Variants in BNIP2 observed in about 807,000 individuals in gnomAD.
The protein encoded by BNIP2 is BCL2 interacting protein 2.
BNIP2 carries 36 observed loss-of-function variants against 43.4 expected under a neutral mutation model. The observed-to-expected ratio is 0.83, with a 90% CI of 0.64 to 1.10. The LOEUF is 1.10. Ranked by LOEUF, BNIP2 falls within the 50% of genes least tolerant of loss-of-function variation. BNIP2 has a pLI of 0.00. For synonymous variants in BNIP2, 146 were observed against 121.0 expected (o/e 1.21, Z -1.35); for missense variants, 417 against 374.1 (o/e 1.11, Z -0.95).
rs760469084 is a variant in BNIP2, at chr15:59,679,673, C to T, written c.214G>A (p.Asp72Asn). The T allele has an allele frequency of 6.2e-7, 1 of 1,612,872 alleles. No homozygotes were observed. Among genetic ancestry groups the T allele is most frequent in the Non-Finnish European group, 8.5e-7 (1 of 1,179,488 alleles). Residue 72 changes from aspartate (D) to asparagine (N), a missense_variant, in exon 4 of 10, where the codon GAT (aspartate) becomes AAT (asparagine). Transcript: ENST00000607373. ...LDPSDGSVLSDDLDESGEIDL... is the reference protein window; with the variant it reads ...LDPSDGSVLSNDLDESGEIDL... The stretch of plus-strand genomic sequence containing the variant: ...ATCTCCCCACTTTCATCCAAATCAT[C>T]TGACAATACAGAGCCATCACTAGGA...
intron 5 of BNIP2, chr15:59,677,221 T>C (rs1382768076): frequency 6.3e-7 from 1 of 1,595,262 alleles, no homozygotes; most frequent in African/African-American, 1.3e-5. Context: ...GTAGTACCCG[T>C]CTTCCAGAGT....
chr15:59,666,392 C>T (rs1892568455), intron 9 of BNIP2, among the ~76,000 whole-genome samples: 2 of 152,158 alleles, frequency 1.3e-5, no homozygotes, highest in South Asian at 2.1e-4. Flanking sequence ...TTAGGCTGGG[C>T]GTGGTAGCTG....
intron 5 of BNIP2, among the ~76,000 whole-genome samples, chr15:59,674,478 T>C (rs559609989): frequency 6.6e-6 from 1 of 152,358 alleles, no homozygotes; most frequent in African/African-American, 2.4e-5. Flanking sequence ...CTGAATAATG[T>C]ATGTCTGTGG....
intron 5 of BNIP2, chr15:59,676,738 G>T: frequency 1.6e-6 from 2 of 1,289,368 alleles, no homozygotes; most frequent in Middle Eastern, 1.8e-4. Flanking sequence ...TGCGGTGCGG[G>T]CGGCAGAGTT....
intron 5 of BNIP2, chr15:59,676,675 C>G: frequency 1.6e-6 from 1 of 610,420 alleles, no homozygotes; most frequent in Non-Finnish European, 2.9e-6. Context: ...ATTTAGAATT[C>G]TGATATTGCA....
Position 59,660,416 on chromosome 15 carries a change from T to A in BNIP2, c.*3653A>T, listed in dbSNP as rs1892194666. 1 of 152,122 alleles carries A rather than the reference T, an allele frequency of 6.6e-6. No individual in the cohort carries two copies. The highest frequency in any genetic ancestry group is 1.5e-5 in the Non-Finnish European group (1 of 68,024). 9.4% of individuals were successfully genotyped at this position (152,122 alleles called of 1,614,324 possible). A position where few individuals can be genotyped will look rare whatever the true frequency, so the allele number is the denominator to read the frequency against. ...GTTTAACACTTCTCCACATATAACA[T>A]GGAAAAAGGAAGGATGAACCTACCG... is the stretch of plus-strand genomic sequence containing the variant. On this transcript the variant is annotated 3_prime_UTR_variant, in exon 10 of 10. Coordinates refer to ENST00000607373, the MANE Select transcript of BNIP2 (RefSeq NM_004330.4).
At position 59,672,746 on chromosome 15, in the gene BNIP2, A is replaced by C; in HGVS notation, c.473-7T>G. The C allele has an allele frequency of 6.2e-7, 1 of 1,608,738 alleles. No individual in the cohort carries two copies. Among genetic ancestry groups the C allele is most frequent in the East Asian group, 2.2e-5 (1 of 44,812 alleles). On this transcript the variant is annotated splice_region_variant and splice_polypyrimidine_tract_variant and intron_variant, in intron 5 of 9. Coordinates refer to ENST00000607373, the MANE Select transcript of BNIP2 (RefSeq NM_004330.4). The stretch of plus-strand genomic sequence containing the variant: ...AATCCATCCCCATAATATCCTAAAA[A>C]AGAAACCAAAGACAGTATCACCAGC...
At chr15:59,672,776 T>G in intron 5 of BNIP2, 37 bp from the exon 6 acceptor site, 1 of 1,522,032 alleles carries the variant, frequency 6.6e-7, no homozygotes, top group South Asian at 1.1e-5. Context: ...ACCAGCACGA[T>G]TTTACTCTTA....
chr15:59,677,726 CA>C (rs1437523292), intron 5 of BNIP2, 184 bp downstream of exon 5: 49 of 1,130,120 alleles, frequency 4.3e-5, no homozygotes, highest in South Asian at 1.3e-4. Context: ...TGTAAAGTTA[CA>C]AAAAAAACAA....
chr15:59,679,999 C>CCTCT (rs1227209715), intron 3 of BNIP2, among the ~76,000 whole-genome samples: 3 of 152,112 alleles, frequency 2.0e-5, no homozygotes, highest in Admixed American at 6.6e-5. Context: ...CTTATAGATA[C>CCTCT]CTCTTACCAC....
At chr15:59,686,658 A>C (rs1894032346) in intron 1 of BNIP2, among the ~76,000 whole-genome samples, 3 of 152,196 alleles carry the variant, frequency 2.0e-5, no homozygotes, top group Admixed American at 6.5e-5. Flanking sequence ...AAAATCCTAG[A>C]CATGTGCTTG....
chr15:59,673,654 C>G (rs1194262214), intron 5 of BNIP2, among the ~76,000 whole-genome samples: 1 of 152,166 alleles, frequency 6.6e-6, no homozygotes, highest in African/African-American at 2.4e-5. Context: ...TGGTCGTGAA[C>G]TCCTGGCCTT....
rs568199633 is a variant in BNIP2 at position 59,668,778 on chromosome 15, G to A, written c.893+114C>T. ...TTGTTACACACACACACACACGCGC[G>A]CGCGCGCACAGTTATAAAATATAAT... On this transcript the variant is annotated intron_variant, in intron 9 of 9. Coordinates refer to ENST00000607373, the MANE Select transcript of BNIP2 (RefSeq NM_004330.4). The A allele has an allele frequency of 5.2e-4, 455 of 872,284 alleles. 5 individuals carry two copies. In the South Asian group the frequency reaches 5.5e-3, roughly 11 times the overall value. The allele number at this position is 872,284 out of a possible 1,614,324, so 54.0% of individuals were successfully genotyped here. A position where few individuals can be genotyped will look rare whatever the true frequency, so the allele number is the denominator to read the frequency against.
Position 59,689,267 on chromosome 15 carries a change from A to G in BNIP2, c.-190T>C. The G allele has an allele frequency of 2.6e-6, 4 of 1,545,074 alleles. No homozygotes were observed. Among genetic ancestry groups the G allele is most frequent in the Non-Finnish European group, 3.5e-6 (4 of 1,146,294 alleles). On this transcript the variant is annotated 5_prime_UTR_variant, in exon 1 of 10. Transcript: ENST00000607373. ...GGTCGGCGGTGGAGACCCCGGCCCA[A>G]TCCCCCGGCCGCAGCGGTACGGCGT... is the stretch of plus-strand genomic sequence containing the variant.
intron 3 of BNIP2, 87 bp from the exon 4 acceptor site, chr15:59,679,855 C>A (rs1234517797): frequency 8.6e-7 from 1 of 1,159,544 alleles, no homozygotes; most frequent in African/African-American, 1.6e-5. Flanking sequence ...CTACCCCATT[C>A]TTGGGAAAAA....
Position 59,671,422 on chromosome 15 carries a change from G to T in BNIP2, c.576-108C>A, listed in dbSNP as rs1892905929. On this transcript the variant is annotated intron_variant, in intron 6 of 9. Coordinates refer to ENST00000607373, the MANE Select transcript of BNIP2 (RefSeq NM_004330.4). The stretch of plus-strand genomic sequence containing the variant: ...TTCCTTCCTCTCTCCTACAATGAGA[G>T]CAACAATGAAAATGCTCAAACCGCA... The T allele has an allele frequency of 2.9e-5, 27 of 940,872 alleles. 1 individual carries two copies. The South Asian group carries it at 6.8e-4, about 24-fold the overall frequency. 58.3% of individuals were successfully genotyped at this position (940,872 alleles called of 1,614,324 possible).
intron 5 of BNIP2, among the ~76,000 whole-genome samples, chr15:59,672,941 G>C (rs1217074898): frequency 6.6e-6 from 1 of 152,084 alleles, no homozygotes; most frequent in Non-Finnish European, 1.5e-5. Context: ...AAAATTTAAA[G>C]AGGACGGTGG....
intron 9 of BNIP2, among the ~76,000 whole-genome samples, chr15:59,667,121 ACT>A (rs1444531097): frequency 6.6e-6 from 1 of 152,240 alleles, no homozygotes; most frequent in Non-Finnish European, 1.5e-5. Context: ...ATCTAAAATC[ACT>A]GTCTACATTT....
chr15:59,679,043 G>A (rs1478150864), intron 4 of BNIP2, among the ~76,000 whole-genome samples: 1 of 151,930 alleles, frequency 6.6e-6, no homozygotes, highest in African/African-American at 2.4e-5. Context: ...TTTTCAAGAT[G>A]GAAAAAAATA....
Sources: gnomAD v4.1 joint callset for allele counts (sites outside exome capture counted in the v4.1 genomes callset) on GRCh38, gnomAD v4.1.1 for gene constraint, MANE v1.5 for transcripts, NCBI Gene and HGNC (gene_info 2026-07-23, HGNC 2026-07-21) for gene names.